TDRD12: variants seen among roughly 807,000 people sequenced by gnomAD.
TDRD12 encodes the protein putative ATP-dependent RNA helicase TDRD12.
In TDRD12, 158 loss-of-function variants were observed where a neutral mutation model predicts 133.5. The ratio of observed to expected loss-of-function variants is 1.18; its 90% CI spans 1.04 to 1.35. The LOEUF (loss-of-function observed/expected upper bound fraction) is 1.35, where lower values mean the gene tolerates loss of function less well. Among genes scored for constraint, TDRD12 ranks in the 40% most tolerant of loss-of-function variants. The pLI, the probability that TDRD12 is intolerant of heterozygous loss-of-function variation, is 0.00. For missense variants in TDRD12, 1,443 were observed against 1,321.3 expected (o/e 1.09, Z -1.43); for synonymous variants, 460 against 477.9 (o/e 0.96, Z 0.49).
chr19:32,722,678 A>T (rs1599816890), intron 1 of TDRD12, among the ~76,000 whole-genome samples: 2 of 136,714 alleles, frequency 1.5e-5, no homozygotes, highest in Non-Finnish European at 3.1e-5. Context: ...ATTTAAAAAA[A>T]ATTTTTTTTT....
chr19:32,750,875 G>T (rs945092447), intron 6 of TDRD12, among the ~76,000 whole-genome samples: 3 of 152,244 alleles, frequency 2.0e-5, no homozygotes, highest in Non-Finnish European at 4.4e-5. Context: ...AAGTGATACT[G>T]TGCCCTTCTC....
rs60982759 is a variant in TDRD12 at position 32,731,411 on chromosome 19, A to AT, written c.25-306dup. ...CTCTATTTTTTTTTTAATTAAAAAA[A>AT]TTTTTTTTAACAAACAAAAGTACTA... On this transcript the variant is annotated intron_variant, in intron 1 of 27. Coordinates refer to ENST00000444215, the Ensembl canonical transcript of TDRD12. Among the ~76,000 whole-genome samples the AT allele has an allele frequency of 4.6e-5, 7 of 151,950 alleles. No individual in the cohort carries two copies. In the East Asian group the frequency reaches 7.7e-4, roughly 17 times the overall value.
chr19:32,805,728 T>C (rs896267807), intron 21 of TDRD12, among the ~76,000 whole-genome samples: 11 of 144,476 alleles, frequency 7.6e-5, no homozygotes, highest in Non-Finnish European at 1.4e-4. Context: ...ATTTTTTTTA[T>C]CTTTTTTTTT....
Position 32,807,998 on chromosome 19 carries a change from CA to C in TDRD12, c.2652+351del, listed in dbSNP as rs1966884463. On this transcript the variant is annotated intron_variant, in intron 22 of 27. Transcript: ENST00000444215. ...CATCATTTTGGGAGACTGAGGTGAG[CA>C]GATCACTTGAGGCCAGGAGTTCAAG... 2.0e-5 allele frequency among the ~76,000 whole-genome samples: 3 copies of C among 152,012 alleles called. No individual in the cohort carries two copies. In the South Asian group the frequency reaches 6.2e-4, roughly 32 times the overall value.
At chr19:32,800,412 TG>T (rs1051728447) in intron 17 of TDRD12, 54 bp downstream of exon 17, 5 of 1,329,648 alleles carry the variant, frequency 3.8e-6, no homozygotes, top group Non-Finnish European at 5.0e-6. Context: ...TATGTGTTGG[TG>T]GGGGGCTGAT....
intron 3 of TDRD12, among the ~76,000 whole-genome samples, chr19:32,739,276 G>A (rs371779606): frequency 3.3e-5 from 5 of 151,576 alleles, no homozygotes; most frequent in African/African-American, 4.8e-5. Flanking sequence ...TCTCCTGGCT[G>A]CTCTCTGCAT....
At chr19:32,732,594 C>A (rs530847468) in intron 2 of TDRD12, among the ~76,000 whole-genome samples, 1 of 152,208 alleles carries the variant, frequency 6.6e-6, no homozygotes, top group Non-Finnish European at 1.5e-5. Flanking sequence ...CGTGGCCCCT[C>A]CTTGCCTTCT....
At chr19:32,826,188 G>A (rs759846387), downstream of TDRD12, 15 of 1,531,968 alleles carry the variant, frequency 9.8e-6, no homozygotes, top group Middle Eastern at 1.7e-4. Flanking sequence ...TGGAGGAGTC[G>A]GCGTCCCTTA....
chr19:32,813,848 C>T, intron 25 of TDRD12, 72 bp downstream of exon 25: 1 of 880,676 alleles, frequency 1.1e-6, no homozygotes, highest in Non-Finnish European at 1.7e-6. Flanking sequence ...TTATTCTAAG[C>T]CCTCACTTGA....
At chr19:32,773,431 T>G (rs777928724) in intron 9 of TDRD12, 25 bp from the exon 10 acceptor site, 14 of 1,548,638 alleles carry the variant, frequency 9.0e-6, no homozygotes, top group African/African-American at 1.4e-5. Flanking sequence ...ACACATTCTT[T>G]CTGAAGAAAA....
At chr19:32,759,874 A>C (rs1970102921) in intron 8 of TDRD12, among the ~76,000 whole-genome samples, 1 of 152,188 alleles carries the variant, frequency 6.6e-6, no homozygotes, top group Admixed American at 6.5e-5. Flanking sequence ...TGTCATCCCC[A>C]TCCCCCTGGG....
chr19:32,745,897 T>C (rs571260071), intron 4 of TDRD12, among the ~76,000 whole-genome samples: 36 of 150,804 alleles, frequency 2.4e-4, no homozygotes, highest in African/African-American at 8.8e-4. Context: ...ATTCTGTGTG[T>C]GACAGAGAGT....
At position 32,810,419 on chromosome 19, in the gene TDRD12, C is replaced by T. The variant is rs556857187; in HGVS notation, c.2837+142C>T. The T allele has an allele frequency of 1.5e-4, 100 of 646,550 alleles. 1 individual carries two copies. In the South Asian group the frequency reaches 2.6e-3, roughly 17 times the overall value. The allele number at this position is 646,550 out of a possible 1,614,324, so 40.1% of individuals were successfully genotyped here. Reference sequence around the variant, plus strand: ...AGCGGGGTGTCCCCCCAGATGCCTGCTCCAGTTCTTTGTGGGAAACTCTTC... The same window carrying T: ...AGCGGGGTGTCCCCCCAGATGCCTGTTCCAGTTCTTTGTGGGAAACTCTTC... On this transcript the variant is annotated intron_variant, in intron 23 of 27. Transcript: ENST00000444215.
Position 32,800,156 on chromosome 19 carries a change from T to C in TDRD12, c.1759-11T>C, listed in dbSNP as rs1599603150. The C allele has an allele frequency of 1.4e-6, 2 of 1,388,594 alleles. No individual in the cohort carries two copies. Among genetic ancestry groups the C allele is most frequent in the African/African-American group, 1.5e-5 (1 of 68,798 alleles). The allele number at this position is 1,388,594 out of a possible 1,614,324, so 86.0% of individuals were successfully genotyped here. On this transcript the variant is annotated splice_polypyrimidine_tract_variant and intron_variant, in intron 16 of 27. Coordinates refer to ENST00000444215, the Ensembl canonical transcript of TDRD12. ...GAAATAAAAATGAAATTAATTATGCTAATTTTTCAGATGTTTGCTATATTA... is the reference window on the plus strand; with the variant it reads ...GAAATAAAAATGAAATTAATTATGCCAATTTTTCAGATGTTTGCTATATTA...
intron 8 of TDRD12, among the ~76,000 whole-genome samples, chr19:32,763,072 T>C (rs1970195740): frequency 6.6e-6 from 1 of 152,222 alleles, no homozygotes; most frequent in Non-Finnish European, 1.5e-5. Context: ...TTTTTCATCT[T>C]CATTAAAATC....
At chr19:32,775,858 GACTC>G (rs1414086991) in intron 10 of TDRD12, among the ~76,000 whole-genome samples, 1 of 152,060 alleles carries the variant, frequency 6.6e-6, no homozygotes, top group Non-Finnish European at 1.5e-5. Context: ...AGTAACTTTG[GACTC>G]ACTCTGGATA....
intron 1 of TDRD12, among the ~76,000 whole-genome samples, chr19:32,730,391 GTTTCC>G (rs1969012272): frequency 6.6e-6 from 1 of 152,104 alleles, no homozygotes; most frequent in Non-Finnish European, 1.5e-5. Context: ...ACCCAGGGAA[GTTTCC>G]TTCTTTCAAG....
At chr19:32,751,913 G>C (rs1969840520) in intron 6 of TDRD12, among the ~76,000 whole-genome samples, 1 of 151,940 alleles carries the variant, frequency 6.6e-6, no homozygotes, top group Non-Finnish European at 1.5e-5. Flanking sequence ...TCACTCTGTT[G>C]CCCAGGCTGG....
chr19:32,743,643 A>C (rs1374825587), intron 4 of TDRD12, among the ~76,000 whole-genome samples: 1 of 151,682 alleles, frequency 6.6e-6, no homozygotes, highest in Admixed American at 6.6e-5. Flanking sequence ...CTGAACTTGC[A>C]GGCCTTTGTC....
Sources: allele counts gnomAD v4.1 joint callset (sites outside exome capture counted in the v4.1 genomes callset), GRCh38; gene constraint gnomAD v4.1.1; transcripts MANE v1.5; gene names NCBI Gene and HGNC (gene_info 2026-07-23, HGNC 2026-07-21).